The following NLGN1 variants were observed in gnomAD, a reference collection of about 807,000 sequenced individuals.
NLGN1 encodes the protein neuroligin-1.
A neutral mutation model predicts 65.5 loss-of-function variants in NLGN1; 12 were observed. That is an observed-to-expected ratio of 0.18 (90% CI 0.12 to 0.30). The LOEUF is 0.30. Among genes scored for constraint, NLGN1 ranks in the 10% least tolerant of loss-of-function variants. The pLI, the probability that NLGN1 is intolerant of heterozygous loss-of-function variation, is 1.00. For missense variants in NLGN1, 750 were observed against 1,007.1 expected (o/e 0.74, Z 3.46); for synonymous variants, 350 against 359.5 (o/e 0.97, Z 0.30).
At chr3:173,413,796 G>C (rs919342722) in intron 1 of NLGN1, among the ~76,000 whole-genome samples, 2 of 152,046 alleles carry the variant, frequency 1.3e-5, no homozygotes, top group African/African-American at 4.8e-5. Context: ...GGAAGCCCTG[G>C]AGCTAAACAT....
At chr3:173,979,850 C>T (rs1396827985) in intron 4 of NLGN1, among the ~76,000 whole-genome samples, 1 of 152,002 alleles carries the variant, frequency 6.6e-6, no homozygotes, top group Non-Finnish European at 1.5e-5. Flanking sequence ...TTGAGCCTAC[C>T]AAAGTGTTTT....
chr3:173,817,087 A>G (rs1719178827), intron 4 of NLGN1, among the ~76,000 whole-genome samples: 1 of 152,232 alleles, frequency 6.6e-6, no homozygotes. Flanking sequence ...AAGGGTCAAT[A>G]GGTGTTGATC....
intron 4 of NLGN1, among the ~76,000 whole-genome samples, chr3:173,814,447 G>A (rs1578576219): frequency 6.6e-6 from 1 of 152,128 alleles, no homozygotes; most frequent in East Asian, 1.9e-4. Context: ...AGGTGCAGGG[G>A]ACAACTTTAG....
At chr3:174,035,585 G>A (rs1254499588) in intron 4 of NLGN1, among the ~76,000 whole-genome samples, 1 of 152,136 alleles carries the variant, frequency 6.6e-6, no homozygotes, top group African/African-American at 2.4e-5. Context: ...TATGTGCTTA[G>A]CACATTTTAT....
rs1026936788 is a variant in NLGN1, at chr3:174,134,267, G to A, written c.647-141048G>A. On this transcript the variant is annotated intron_variant, in intron 4 of 6. Transcript: ENST00000457714. ...AAACATTAAGGAGTGACTGGCTGCC[G>A]GGGAATTGGTGAGGTTAAAAACCAA... Among the ~76,000 whole-genome samples the A allele has an allele frequency of 1.1e-4, 17 of 152,216 alleles. No homozygotes were observed. In the South Asian group the frequency reaches 2.7e-3, roughly 24 times the overall value.
rs990303196 is a variant in NLGN1, at chr3:174,280,041, A to G, written c.1649+391A>G. On this transcript the variant is annotated intron_variant, in intron 6 of 6. Coordinates refer to ENST00000457714, the Ensembl canonical transcript of NLGN1. This position sits in a 1 kb window ranked among gnomAD's most constrained non-coding sequence, Gnocchi z 4.9. ...GGTACTATTAATCCCACTTTACAAG[A>G]AGGAGACCTGAGGCTCTGTGAGTGT... is the stretch of plus-strand genomic sequence containing the variant. Among the ~76,000 whole-genome samples, 1 of 151,970 alleles carries G rather than the reference A, an allele frequency of 6.6e-6. No homozygotes were observed. The highest frequency in any genetic ancestry group is 2.4e-5 in the African/African-American group (1 of 41,414).
chr3:173,886,334 A>G (rs1734324913), intron 4 of NLGN1, among the ~76,000 whole-genome samples: 2 of 152,226 alleles, frequency 1.3e-5, no homozygotes, highest in South Asian at 4.1e-4. Flanking sequence ...TCTAGTCCTC[A>G]AATTTACTGT....
intron 3 of NLGN1, among the ~76,000 whole-genome samples, chr3:173,711,455 A>G (rs1025295102): frequency 5.3e-5 from 8 of 152,178 alleles, no homozygotes; most frequent in Non-Finnish European, 8.8e-5. Context: ...CCTTAAATCC[A>G]ACTAGGATTT....
intron 4 of NLGN1, among the ~76,000 whole-genome samples, chr3:173,933,487 G>A (rs768926115): frequency 6.6e-6 from 1 of 152,092 alleles, no homozygotes; most frequent in African/African-American, 2.4e-5. Context: ...GGCCAGAGGG[G>A]TATCTATCTT....
At chr3:174,104,107 CTT>C (rs943452000) in intron 4 of NLGN1, among the ~76,000 whole-genome samples, 6 of 152,042 alleles carry the variant, frequency 3.9e-5, no homozygotes, top group Admixed American at 3.9e-4. Context: ...AGTAGCTTCT[CTT>C]TTCTCCTTTC....
At chr3:174,002,826 T>C (rs576864099) in intron 4 of NLGN1, among the ~76,000 whole-genome samples, 19 of 152,332 alleles carry the variant, frequency 1.2e-4, no homozygotes, top group African/African-American at 4.1e-4. Flanking sequence ...TTTGTGACTT[T>C]GTTAGGGTCA....
intron 4 of NLGN1, among the ~76,000 whole-genome samples, chr3:173,981,945 CTGA>C (rs1166470946): frequency 2.6e-5 from 4 of 151,880 alleles, no homozygotes; most frequent in Non-Finnish European, 5.9e-5. Context: ...ATTTTAACAG[CTGA>C]TATTTTTTAT....
intron 2 of NLGN1, among the ~76,000 whole-genome samples, chr3:173,585,323 T>C (rs1415112517): frequency 6.6e-6 from 1 of 152,034 alleles, no homozygotes; most frequent in Admixed American, 6.6e-5. Flanking sequence ...AGCAATACTT[T>C]AAGGAGAGGA....
At chr3:174,266,044 A>AT (rs1553984777) in intron 4 of NLGN1, among the ~76,000 whole-genome samples, 13 of 123,010 alleles carry the variant, frequency 1.1e-4, no homozygotes, top group African/African-American at 4.6e-4. Context: ...ATATATATAT[A>AT]TATTTTTTTT....
intron 3 of NLGN1, among the ~76,000 whole-genome samples, chr3:173,773,657 C>G (rs908239939): frequency 3.9e-5 from 6 of 152,104 alleles, no homozygotes; most frequent in Non-Finnish European, 8.8e-5. Flanking sequence ...GCTAGAAATT[C>G]TTTTCAATGC....
At chr3:173,490,027 C>T (rs924313515) in intron 2 of NLGN1, among the ~76,000 whole-genome samples, 13 of 152,172 alleles carry the variant, frequency 8.5e-5, no homozygotes, top group South Asian at 4.2e-4. Context: ...TTCTCCCATT[C>T]TGTAGGTTGC....
At chr3:173,584,281 A>G (rs961999407) in intron 2 of NLGN1, among the ~76,000 whole-genome samples, 1 of 151,524 alleles carries the variant, frequency 6.6e-6, no homozygotes, top group African/African-American at 2.4e-5. Context: ...GGGATGGGAA[A>G]AAAAAGTGAG....
intron 4 of NLGN1, among the ~76,000 whole-genome samples, chr3:174,194,483 C>T (rs1034319385): frequency 2.0e-5 from 3 of 151,506 alleles, no homozygotes; most frequent in Admixed American, 2.0e-4. Context: ...AAGAAACAAT[C>T]TCCATCATTC....
At chr3:173,709,707 G>A (rs1478627389) in intron 3 of NLGN1, among the ~76,000 whole-genome samples, 1 of 149,988 alleles carries the variant, frequency 6.7e-6, no homozygotes, top group Non-Finnish European at 1.5e-5. Flanking sequence ...AGAGGCTGAG[G>A]CAGGAGAATC....
Sources: allele counts gnomAD v4.1 joint callset (sites outside exome capture counted in the v4.1 genomes callset), GRCh38; gene constraint gnomAD v4.1.1; non-coding constraint Gnocchi (gnomAD v3.1); transcripts MANE v1.5; gene names NCBI Gene and HGNC (gene_info 2026-07-23, HGNC 2026-07-21).